Variants in HMGCLL1 observed in about 807,000 individuals in gnomAD.
HMGCLL1 encodes 3-hydroxy-3-methylglutaryl-CoA lyase like 1.
HMGCLL1 carries 36 observed loss-of-function variants against 39.1 expected under a neutral mutation model. The ratio of observed to expected loss-of-function variants is 0.92; its 90% confidence interval spans 0.71 to 1.22. HMGCLL1 has a LOEUF of 1.22. Ranked by LOEUF, HMGCLL1 falls within the 50% of genes most tolerant of loss-of-function variation. The pLI is 0.00. For missense variants in HMGCLL1, 451 were observed against 416.5 expected (o/e 1.08, Z -0.72); for synonymous variants, 149 against 144.0 (o/e 1.03, Z -0.25).
At chr6:55,645,170 T>A in the HMGCLL1 span, among the ~76,000 whole-genome samples, 1 of 151,952 alleles carries the variant, frequency 6.6e-6, no homozygotes, top group African/African-American at 2.4e-5. Flanking sequence ...CTATTGTAAA[T>A]GAGATTTTTT....
At chr6:55,574,198 CT>C (rs538775426) in intron 1 of HMGCLL1, among the ~76,000 whole-genome samples, 196 of 151,700 alleles carry the variant, frequency 1.3e-3, no homozygotes, top group African/African-American at 4.6e-3. Context: ...AATATTAGTA[CT>C]TTTTTTACTA....
chr6:55,464,805 G>T (rs1764729785), intron 7 of HMGCLL1, among the ~76,000 whole-genome samples: 1 of 152,082 alleles, frequency 6.6e-6, no homozygotes, highest in Non-Finnish European at 1.5e-5. Flanking sequence ...AGTCCTGGAG[G>T]CTGCTTTATT....
chr6:55,672,624 A>G, the HMGCLL1 span, among the ~76,000 whole-genome samples: 4 of 151,926 alleles, frequency 2.6e-5, no homozygotes, highest in Non-Finnish European at 5.9e-5. Flanking sequence ...TTTGCAAATC[A>G]CTTTCACCTA....
chr6:55,476,945 C>A (rs1341551875), intron 7 of HMGCLL1, among the ~76,000 whole-genome samples: 1 of 110,872 alleles, frequency 9.0e-6, no homozygotes, highest in Admixed American at 1.0e-4. Flanking sequence ...AACAGCTGCT[C>A]TTAAATCAAA....
intron 1 of HMGCLL1, among the ~76,000 whole-genome samples, chr6:55,553,290 T>C (rs1037867807): frequency 6.8e-6 from 1 of 147,722 alleles, no homozygotes; most frequent in South Asian, 2.1e-4. Context: ...TGTATGTAAC[T>C]AGCAGGGCAT....
chr6:55,677,724 T>C, the HMGCLL1 span, among the ~76,000 whole-genome samples: 1 of 152,342 alleles, frequency 6.6e-6, no homozygotes, highest in African/African-American at 2.4e-5. Context: ...TCCAGTCTAC[T>C]TGTGGCTCAA....
chr6:55,576,276 C>T (rs6459085), intron 1 of HMGCLL1, among the ~76,000 whole-genome samples: 78,670 of 151,922 alleles, frequency 0.52, 20,784 homozygotes, highest in African/African-American at 0.62. Flanking sequence ...TTGTTGAAAA[C>T]AATCTTCCTA....
chr6:55,497,892 A>G (rs908735073), intron 6 of HMGCLL1, among the ~76,000 whole-genome samples: 66 of 152,182 alleles, frequency 4.3e-4, no homozygotes, highest in Admixed American at 4.3e-3. Flanking sequence ...TGTAATGAGA[A>G]AGCAAAAACT....
chr6:55,474,366 T>A (rs760175660), intron 7 of HMGCLL1, among the ~76,000 whole-genome samples: 2 of 151,644 alleles, frequency 1.3e-5, no homozygotes, highest in Non-Finnish European at 3.0e-5. Context: ...TACTGACATA[T>A]TTTTCAGCTC....
intron 1 of HMGCLL1, among the ~76,000 whole-genome samples, chr6:55,569,629 A>G (rs958303552): frequency 2.0e-5 from 3 of 152,208 alleles, no homozygotes; most frequent in Non-Finnish European, 2.9e-5. Context: ...TAAATGAGCT[A>G]CTGGATGTAA....
At chr6:55,641,829 G>A in the HMGCLL1 span, among the ~76,000 whole-genome samples, 2 of 144,488 alleles carry the variant, frequency 1.4e-5, no homozygotes, top group Admixed American at 1.4e-4. Flanking sequence ...AATTTATAAA[G>A]GTATTTCACA....
intron 7 of HMGCLL1, among the ~76,000 whole-genome samples, chr6:55,459,648 A>G (rs543358615): frequency 3.9e-5 from 6 of 152,190 alleles, no homozygotes; most frequent in African/African-American, 1.4e-4. Context: ...ATTTGTGTTT[A>G]TTAAGTGGTT....
intron 6 of HMGCLL1, among the ~76,000 whole-genome samples, chr6:55,497,373 G>C (rs546465515): frequency 6.6e-6 from 1 of 151,962 alleles, no homozygotes; most frequent in Non-Finnish European, 1.5e-5. Context: ...GGTTGTAAAA[G>C]TGAAATGAGA....
chr6:55,477,126 ATATATATAATAGATATAATATATATAT>A (rs2127407853), intron 7 of HMGCLL1, among the ~76,000 whole-genome samples: 1 of 81,066 alleles, frequency 1.2e-5, no homozygotes, highest in South Asian at 3.4e-4. Flanking sequence ...TATATATCAT[ATATATATAATAGATATAATATATATAT>A]TATATATTAT....
At position 55,435,340 on chromosome 6, in the gene HMGCLL1, A is replaced by G. The variant is rs1763327435; in HGVS notation, c.*322T>C. The G allele has an allele frequency of 4.8e-6, 1 of 206,648 alleles. No individual in the cohort carries two copies. Among genetic ancestry groups the G allele is most frequent in the African/African-American group, 2.3e-5 (1 of 42,668 alleles). 12.8% of individuals were successfully genotyped at this position (206,648 alleles called of 1,614,324 possible). Reference sequence around the variant, plus strand: ...CTGCTTGATTAAGTATTAACACAGTATTTGATACTTGGGGAAATACGAAGT... The same window carrying G: ...CTGCTTGATTAAGTATTAACACAGTGTTTGATACTTGGGGAAATACGAAGT... On this transcript the variant is annotated 3_prime_UTR_variant, in exon 9 of 9. Coordinates refer to ENST00000274901, the MANE Select transcript of HMGCLL1 (RefSeq NM_001042406.2).
chr6:55,622,077 T>C, the HMGCLL1 span, among the ~76,000 whole-genome samples: 3 of 152,254 alleles, frequency 2.0e-5, no homozygotes, highest in East Asian at 3.9e-4. Flanking sequence ...TTTCAGATTG[T>C]TCATTGTTAG....
the HMGCLL1 span, among the ~76,000 whole-genome samples, chr6:55,676,098 C>T: frequency 4.7e-4 from 72 of 152,224 alleles, no homozygotes; most frequent in African/African-American, 1.7e-3. Flanking sequence ...AGAAAGCACA[C>T]TACATATTTT....
intron 7 of HMGCLL1, among the ~76,000 whole-genome samples, chr6:55,456,485 GAA>G (rs1431996133): frequency 6.6e-6 from 1 of 152,118 alleles, no homozygotes; most frequent in Non-Finnish European, 1.5e-5. Flanking sequence ...GTCCAAGGAA[GAA>G]AAAGAGTTCT....
the HMGCLL1 span, among the ~76,000 whole-genome samples, chr6:55,587,506 A>G: frequency 6.6e-6 from 1 of 152,148 alleles, no homozygotes; most frequent in Non-Finnish European, 1.5e-5. Context: ...TAAGGAGCAA[A>G]ATAACCAGCT....
Sources: gnomAD v4.1 joint callset for allele counts (sites outside exome capture counted in the v4.1 genomes callset) on GRCh38, gnomAD v4.1.1 for gene constraint, MANE v1.5 for transcripts, NCBI Gene and HGNC (gene_info 2026-07-23, HGNC 2026-07-21) for gene names.